XRCC5: variants seen among roughly 807,000 people sequenced by gnomAD.
XRCC5 encodes the protein DNA repair protein Ku80.
In XRCC5, 12 loss-of-function variants were observed where a neutral mutation model predicts 95.7. The ratio of observed to expected loss-of-function variants is 0.13; its 90% CI spans 0.08 to 0.20. XRCC5 has a LOEUF of 0.20. Ranked by LOEUF, XRCC5 falls within the 10% of genes least tolerant of loss-of-function variation. The pLI is 1.00. For synonymous variants in XRCC5, 281 were observed against 290.3 expected (o/e 0.97, Z 0.33); for missense variants, 595 against 873.9 (o/e 0.68, Z 4.02).
rs117706841 is a variant in XRCC5 at position 216,181,755 on chromosome 2, A to G, written c.1835-8470A>G. Among the ~76,000 whole-genome samples, 16 of 152,284 alleles carry G rather than the reference A, an allele frequency of 1.1e-4. No individual in the cohort carries two copies. The East Asian group carries it at 3.1e-3, about 29-fold the overall frequency. On this transcript the variant is annotated intron_variant, in intron 16 of 20. Transcript: ENST00000392132. Reference sequence around the variant, plus strand: ...TTTAATAAAACAGTGCTTGGGAGTAATAAGAATTTGAATTTTTGAATTGTA... The same window carrying G: ...TTTAATAAAACAGTGCTTGGGAGTAGTAAGAATTTGAATTTTTGAATTGTA...
intron 6 of XRCC5, among the ~76,000 whole-genome samples, chr2:216,124,436 C>T (rs1311086064): frequency 1.3e-5 from 2 of 152,084 alleles, no homozygotes; most frequent in Non-Finnish European, 1.5e-5. Flanking sequence ...TATTGGATGC[C>T]CGTCTTTAGA....
intron 16 of XRCC5, among the ~76,000 whole-genome samples, chr2:216,178,580 TAGTA>T (rs751723548): frequency 3.9e-5 from 6 of 152,184 alleles, no homozygotes; most frequent in African/African-American, 2.4e-5. Flanking sequence ...GAGGCATACT[TAGTA>T]AGCAATAATA....
chr2:216,140,429 T>C (rs1260287062), intron 12 of XRCC5, among the ~76,000 whole-genome samples: 2 of 152,196 alleles, frequency 1.3e-5, no homozygotes, highest in Non-Finnish European at 2.9e-5. Flanking sequence ...CAGAAGTATT[T>C]TTGGGAGAAT....
intron 15 of XRCC5, 44 bp from the exon 16 acceptor site, chr2:216,161,935 A>G (rs375098111): frequency 2.9e-5 from 46 of 1,575,358 alleles, no homozygotes; most frequent in Non-Finnish European, 3.8e-5. Flanking sequence ...TGCTGCTAAA[A>G]AGAGAAATAA....
At chr2:216,128,102 T>C (rs1696924544) in intron 8 of XRCC5, 2 of 153,108 alleles carry the variant, frequency 1.3e-5, no homozygotes, top group Admixed American at 6.5e-5. Context: ...CTGAAAATTA[T>C]TTGTATTTAT....
chr2:216,133,899 G>T (rs1343746249), intron 10 of XRCC5, among the ~76,000 whole-genome samples: 1 of 152,188 alleles, frequency 6.6e-6, no homozygotes, highest in African/African-American at 2.4e-5. Flanking sequence ...GTAGGCAGGG[G>T]TGTAGGAGGG....
At chr2:216,190,438 C>A in intron 17 of XRCC5, 104 bp downstream of exon 17, 2 of 975,130 alleles carry the variant, frequency 2.1e-6, no homozygotes, top group Non-Finnish European at 3.1e-6. Context: ...TGGAAATTAT[C>A]ATTCTCAATA....
At chr2:216,145,403 T>C (rs1688610140) in intron 13 of XRCC5, among the ~76,000 whole-genome samples, 1 of 152,258 alleles carries the variant, frequency 6.6e-6, no homozygotes, top group Non-Finnish European at 1.5e-5. Flanking sequence ...AAATAATTGA[T>C]ACAATGGTGC....
intron 16 of XRCC5, among the ~76,000 whole-genome samples, chr2:216,181,508 C>T (rs1178387274): frequency 2.6e-5 from 4 of 152,154 alleles, no homozygotes; most frequent in Admixed American, 6.5e-5. Context: ...CTTGCAGCAT[C>T]GGCTTTCTAA....
chr2:216,185,382 C>T (rs3770493), intron 16 of XRCC5, among the ~76,000 whole-genome samples: 23,747 of 152,108 alleles, frequency 0.16, 2,170 homozygotes, highest in African/African-American at 0.25. Context: ...GCTTTTGATA[C>T]GTTTCTTAAA....
At chr2:216,186,321 T>C (rs1689491114) in intron 16 of XRCC5, among the ~76,000 whole-genome samples, 1 of 152,358 alleles carries the variant, frequency 6.6e-6, no homozygotes, top group African/African-American at 2.4e-5. Flanking sequence ...TAGTCCATTT[T>C]ATAGGACTTT....
chr2:216,204,360 AGCT>A lies in XRCC5; in HGVS notation c.2150_2152del (p.Ala717del). 1 of 1,614,006 alleles carries A rather than the reference AGCT, an allele frequency of 6.2e-7. No homozygotes were observed. Among genetic ancestry groups the A allele is most frequent in the African/African-American group, 1.3e-5 (1 of 75,036 alleles). On this transcript the variant is annotated inframe_deletion, in exon 20 of 21. Transcript: ENST00000392132. Reference sequence around the variant, plus strand: ...AAGACAAACCAAGTGGAGACACAGCAGCTGTATTTGAAGAAGGTGGTGATGTGG... The same window carrying A: ...AAGACAAACCAAGTGGAGACACAGCAGTATTTGAAGAAGGTGGTGATGTGG...
chr2:216,198,367 C>T (rs752657255), intron 19 of XRCC5, among the ~76,000 whole-genome samples: 7 of 152,090 alleles, frequency 4.6e-5, no homozygotes, highest in East Asian at 1.9e-4. Context: ...CTTCAGTGTA[C>T]GCTGTGTTAT....
chr2:216,134,416 CTTGTTTTTTTTT>C (rs1354031929), intron 10 of XRCC5, among the ~76,000 whole-genome samples: 24 of 145,352 alleles, frequency 1.7e-4, no homozygotes, highest in South Asian at 1.3e-3. Flanking sequence ...ATCCTTCCTT[CTTGTTTTTTTTT>C]TTGTTTTTTT....
intron 16 of XRCC5, among the ~76,000 whole-genome samples, chr2:216,169,504 G>C (rs1387020673): frequency 6.6e-6 from 1 of 152,192 alleles, no homozygotes; most frequent in Non-Finnish European, 1.5e-5. Context: ...ATCTGGTAGA[G>C]CTGCAAATTG....
chr2:216,151,059 A>G (rs1453628835), intron 14 of XRCC5, among the ~76,000 whole-genome samples: 2 of 152,206 alleles, frequency 1.3e-5, no homozygotes, highest in South Asian at 2.1e-4. Context: ...CCAGGAATGT[A>G]TTTGGAGGGA....
At chr2:216,204,632 C>T (rs374768469) in intron 20 of XRCC5, among the ~76,000 whole-genome samples, 1 of 152,214 alleles carries the variant, frequency 6.6e-6, no homozygotes, top group East Asian at 1.9e-4. Flanking sequence ...CAGATTAATC[C>T]TCTCCCTTGA....
At chr2:216,155,925 G>C (rs1688834238) in intron 14 of XRCC5, among the ~76,000 whole-genome samples, 1 of 152,132 alleles carries the variant, frequency 6.6e-6, no homozygotes, top group Non-Finnish European at 1.5e-5. Flanking sequence ...TTGATAATGT[G>C]CTAAGAAGTC....
chr2:216,158,005 C>T (rs531780283), intron 14 of XRCC5, among the ~76,000 whole-genome samples: 22 of 152,188 alleles, frequency 1.4e-4, no homozygotes, highest in Non-Finnish European at 2.8e-4. Flanking sequence ...ATTAACCATA[C>T]TAAATTTTAC....
Sources: allele counts gnomAD v4.1 joint callset (sites outside exome capture counted in the v4.1 genomes callset), GRCh38; gene constraint gnomAD v4.1.1; transcripts MANE v1.5; gene names NCBI Gene and HGNC (gene_info 2026-07-23, HGNC 2026-07-21).